DLL1: variants seen among roughly 807,000 people sequenced by gnomAD.
DLL1 encodes delta like canonical Notch ligand 1.
Under a neutral mutation model 75.1 loss-of-function variants are expected in DLL1, and 9 were observed. That is an observed-to-expected ratio of 0.12 (90% CI 0.07 to 0.21). The LOEUF (loss-of-function observed/expected upper bound fraction) is 0.21, where lower values mean the gene tolerates loss of function less well. Among genes scored for constraint, DLL1 ranks in the 10% least tolerant of loss-of-function variants. DLL1 has a pLI of 1.00. For synonymous variants in DLL1, 477 were observed against 418.3 expected, an observed-to-expected ratio of 1.14 and a Z score of -1.71; for missense variants, 837 against 1,007.6, an observed-to-expected ratio of 0.83 and a Z score of 2.29.
Position 170,290,687 on chromosome 6 carries a change from C to T in DLL1, c.-548G>A. The T allele has an allele frequency of 3.2e-6, 1 of 309,026 alleles. No individual in the cohort carries two copies. The allele number at this position is 309,026 out of a possible 1,614,324, so 19.1% of individuals were successfully genotyped here. On this transcript the variant is annotated 5_prime_UTR_variant, in exon 1 of 11. Transcript: ENST00000366756. The surrounding 1 kb of genome is among the most constrained non-coding windows in gnomAD (Gnocchi z 4.7). ...CGGCGGGTGTGCGCGGCGGCCCCTG[C>T]GGATCGCGGCCCGGTGTCACTCGGC... is the stretch of plus-strand genomic sequence containing the variant.
chr6:170,284,089 A>G (rs1001208540), intron 8 of DLL1, 60 bp from the exon 9 acceptor site: 3 of 1,530,510 alleles, frequency 2.0e-6, no homozygotes, highest in Non-Finnish European at 2.6e-6. Flanking sequence ...CCAAAAAGTC[A>G]CTCTGAAGCA....
rs1287368849 is a variant in DLL1, at chr6:170,286,282, T to G, written c.687A>C (p.Gly229=). 36 of 1,614,052 alleles carry G rather than the reference T, an allele frequency of 2.2e-5. No individual in the cohort carries two copies. Among genetic ancestry groups the G allele is most frequent in the Non-Finnish European group, 3.0e-5 (35 of 1,180,046 alleles). ...CACAAAATCCATGCTGCTCATCACA[T>G]CCAGGCAGGCAGATCGCTACAAGCA... ...PYCTEPICLP[G]CDEQHGFCDK... Residue 229 remains glycine, a synonymous_variant, in exon 5 of 11, where the codon GGA becomes GGC. Coordinates refer to ENST00000366756, the MANE Select transcript of DLL1 (RefSeq NM_005618.4).
In DLL1 at chr6:170,282,744, G is replaced by T; in HGVS notation, c.*130C>A. On this transcript the variant is annotated 3_prime_UTR_variant, in exon 11 of 11. Transcript: ENST00000366756. Reference sequence around the variant, plus strand: ...AGGACCTCAGGAGGAGAACCTGCTCGGTCTGAACTCGGTTTCTCAGCAGCA... The same window carrying T: ...AGGACCTCAGGAGGAGAACCTGCTCTGTCTGAACTCGGTTTCTCAGCAGCA... 5 of 1,499,818 alleles carry T rather than the reference G, an allele frequency of 3.3e-6. No individual in the cohort carries two copies. Among genetic ancestry groups the T allele is most frequent in the Non-Finnish European group, 3.7e-6 (4 of 1,078,466 alleles). The allele number at this position is 1,499,818 out of a possible 1,614,324, so 92.9% of individuals were successfully genotyped here. A position where few individuals can be genotyped will look rare whatever the true frequency, so the allele number is the denominator to read the frequency against.
rs528477668 is a variant in DLL1 at position 170,289,174 on chromosome 6, C to A, written c.351+338G>T. ...GCTGCGCGGGTAATCGCGCCACCAACGCGTCTAGGAGTCGGGAAACCAGAA... is the reference window on the plus strand; with the variant it reads ...GCTGCGCGGGTAATCGCGCCACCAAAGCGTCTAGGAGTCGGGAAACCAGAA... On this transcript the variant is annotated intron_variant, in intron 2 of 10. Coordinates refer to ENST00000366756, the MANE Select transcript of DLL1 (RefSeq NM_005618.4). The A allele has an allele frequency of 1.8e-4, 110 of 606,258 alleles. 2 individuals are homozygous for A. The African/African-American group carries it at 1.9e-3, about 10-fold the overall frequency. The allele number at this position is 606,258 out of a possible 1,614,324, so 37.6% of individuals were successfully genotyped here. A position where few individuals can be genotyped will look rare whatever the true frequency, so the allele number is the denominator to read the frequency against.
At position 170,286,277 on chromosome 6, in the gene DLL1, T is replaced by G. The variant is rs370512486; in HGVS notation, c.692A>C (p.Asp231Ala). 1 of 1,614,072 alleles carries G rather than the reference T, an allele frequency of 6.2e-7. No homozygotes were observed. The highest frequency in any genetic ancestry group is 1.3e-5 in the African/African-American group (1 of 74,918). ...CTEPICLPGC[D>A]EQHGFCDKPG... ...TTTGTCACAAAATCCATGCTGCTCA[T>G]CACATCCAGGCAGGCAGATCGCTAC... Residue 231 changes from aspartate (D) to alanine (A), a missense_variant, in exon 5 of 11, where the codon GAT becomes GCT. Transcript: ENST00000366756.
rs1783846842 is a variant in DLL1, at chr6:170,290,849, C to T, written c.-710G>A. On this transcript the variant is annotated 5_prime_UTR_variant, in exon 1 of 11. Coordinates refer to ENST00000366756, the MANE Select transcript of DLL1 (RefSeq NM_005618.4). This position sits in a 1 kb window ranked among gnomAD's most constrained non-coding sequence, Gnocchi z 4.7. ...GGAGGGGCCGGGCCGTGGGAGGAGGCTCTGCGCCGCGGCTGCCCGGGTTCC... is the reference window on the plus strand; with the variant it reads ...GGAGGGGCCGGGCCGTGGGAGGAGGTTCTGCGCCGCGGCTGCCCGGGTTCC... The T allele has an allele frequency of 4.6e-6, 3 of 651,056 alleles. No homozygotes were observed. The highest frequency in any genetic ancestry group is 1.8e-5 in the African/African-American group (1 of 56,038). The allele number at this position is 651,056 out of a possible 1,614,324, so 40.3% of individuals were successfully genotyped here. A position where few individuals can be genotyped will look rare whatever the true frequency, so the allele number is the denominator to read the frequency against.
At position 170,288,785 on chromosome 6, in the gene DLL1, G is replaced by C; in HGVS notation, c.356C>G (p.Thr119Ser). The change falls in exon 3 of 11, where the codon ACC becomes AGC. Residue 119 changes from threonine to serine, a missense_variant. This residue lies in a region of DLL1 where 304 missense variants were observed against 461.9 expected (regional missense o/e 0.66). Transcript: ENST00000366756. ...RFPFGFTWPG[T>S]FSLIIEALHT... is the part of the protein sequence containing the mutation. The stretch of plus-strand genomic sequence containing the variant: ...GAGAGCTTCAATAATCAGAGAGAAG[G>C]TGCCCTGGGAGAGAGGGGAGAAGAC... 1 of 1,614,118 alleles carries C rather than the reference G, an allele frequency of 6.2e-7. No individual in the cohort carries two copies. The highest frequency in any genetic ancestry group is 2.2e-5 in the East Asian group (1 of 44,874).
In DLL1 at chr6:170,289,983, C is replaced by A. The variant is rs561774137; in HGVS notation, c.54+103G>T. ...GATTCATCTTCCGGGCCGTGGCTGG[C>A]GCGGCCCGTGCCGCTGTCCGCCCCT... On this transcript the variant is annotated intron_variant, in intron 1 of 10. Coordinates refer to ENST00000366756, the MANE Select transcript of DLL1 (RefSeq NM_005618.4). 2,427 of 1,338,098 alleles carry A rather than the reference C, an allele frequency of 1.8e-3. 47 individuals carry two copies. In the African/African-American group the frequency reaches 0.035, roughly 19 times the overall value. The allele number at this position is 1,338,098 out of a possible 1,614,324, so 82.9% of individuals were successfully genotyped here. A position where few individuals can be genotyped will look rare whatever the true frequency, so the allele number is the denominator to read the frequency against.
intron 8 of DLL1, 133 bp from the exon 9 acceptor site, chr6:170,284,162 C>T: frequency 8.4e-7 from 1 of 1,190,996 alleles, no homozygotes; most frequent in Non-Finnish European, 1.2e-6. Flanking sequence ...TGAATGAGTC[C>T]ACAGCGCAAG....
intron 2 of DLL1, chr6:170,289,187 C>G (rs1285122071): frequency 1.6e-6 from 1 of 630,462 alleles, no homozygotes; most frequent in Non-Finnish European, 2.9e-6. Flanking sequence ...GTCTAGGAGT[C>G]GGGAAACCAG....
Position 170,283,864 on chromosome 6 carries a change from C to T in DLL1, c.1415G>A (p.Gly472Asp). The change falls in exon 9 of 11, where the codon GGC becomes GAC. Residue 472 changes from glycine (G) to aspartate (D), a missense_variant. By Grantham distance (94) the Gly-to-Asp change is moderately conservative. Coordinates refer to ENST00000366756, the MANE Select transcript of DLL1 (RefSeq NM_005618.4). ...GGCACTGCAGTTCCTGCCCGTGTAG[C>T]CAGGCGGGCAGGTGCAGGAGAAGTC... ...VNDFSCTCPP[G>D]YTGRNCSAPV... 1 of 1,605,858 alleles carries T rather than the reference C, an allele frequency of 6.2e-7. No homozygotes were observed. The highest frequency in any genetic ancestry group is 8.5e-7 in the Non-Finnish European group (1 of 1,178,918).
At position 170,283,611 on chromosome 6, in the gene DLL1, G is replaced by A. The variant is rs751215526; in HGVS notation, c.1668C>T (p.Leu556=). The change falls in exon 9 of 11, where the codon CTC becomes CTT. Residue 556 remains leucine, a synonymous_variant. Transcript: ENST00000366756. ...CAGCGGCACAGCCCAGCAGCAGCAT[G>A]AGGACAAGGATGACCCCGGCGCACA... The part of the protein sequence containing the change: ...VAVCAGVILV[L]MLLLGCAAVV... 8.7e-6 allele frequency: 14 copies of A among 1,611,280 alleles called. No individual in the cohort carries two copies. Among genetic ancestry groups the A allele is most frequent in the Non-Finnish European group, 1.1e-5 (13 of 1,178,998 alleles).
intron 4 of DLL1, among the ~76,000 whole-genome samples, chr6:170,287,907 T>C (rs1783739143): frequency 6.6e-6 from 1 of 152,150 alleles, no homozygotes; most frequent in Non-Finnish European, 1.5e-5. Flanking sequence ...CCTCCCTTCC[T>C]TCCTCCTCTC....
rs746032184 is a variant in DLL1, at chr6:170,288,381, G to A, written c.528C>T (p.Arg176=). 5 of 1,614,000 alleles carry A rather than the reference G, an allele frequency of 3.1e-6. No homozygotes were observed. The East Asian group carries it at 6.7e-5, about 22-fold the overall frequency. The part of the protein sequence containing the change: ...SGRTDLKYSY[R]FVCDEHYYGE... ...CGTAGTAGTGTTCGTCACACACGAA[G>A]CGGTAGGAGTACTTGAGGTCCGTGC... Residue 176 remains arginine (R), a synonymous_variant, in exon 4 of 11, where the codon CGC becomes CGT. Transcript: ENST00000366756.
At chr6:170,285,814 T>G (rs1351540514) in intron 5 of DLL1, 115 bp from the exon 6 acceptor site, 1 of 1,462,418 alleles carries the variant, frequency 6.8e-7, no homozygotes, top group African/African-American at 1.4e-5. Flanking sequence ...GTTCTCCAGA[T>G]TAGCAGAACA....
At position 170,283,984 on chromosome 6, in the gene DLL1, T is replaced by C. The variant is rs1242560939; in HGVS notation, c.1295A>G (p.Gln432Arg). 1 of 1,584,948 alleles carries C rather than the reference T, an allele frequency of 6.3e-7. No homozygotes were observed. The highest frequency in any genetic ancestry group is 1.1e-5 in the South Asian group (1 of 87,732). Residue 432 changes from glutamine (Q) to arginine (R), a missense_variant, in exon 9 of 11, where the codon CAG becomes CGG. Coordinates refer to ENST00000366756, the MANE Select transcript of DLL1 (RefSeq NM_005618.4). Reference sequence around the variant, plus strand: ...ACAGTGCCTCCCCGAGAAGCCGGCCTGGCAGCGGCACAGGTAGGCATCACC... The same window carrying C: ...ACAGTGCCTCCCCGAGAAGCCGGCCCGGCAGCGGCACAGGTAGGCATCACC... ...DLGDAYLCRCQAGFSGRHCDD... is the reference protein window; with the variant it reads ...DLGDAYLCRCRAGFSGRHCDD...
chr6:170,284,537 G>A (rs533237457), intron 8 of DLL1, among the ~76,000 whole-genome samples: 11 of 152,198 alleles, frequency 7.2e-5, no homozygotes, highest in Non-Finnish European at 1.5e-5. Flanking sequence ...GAGGCTCTCT[G>A]TCCTCACTCA....
intron 4 of DLL1, 92 bp from the exon 5 acceptor site, chr6:170,286,390 T>A: frequency 1.3e-6 from 2 of 1,495,766 alleles, no homozygotes; most frequent in Non-Finnish European, 9.3e-7. Flanking sequence ...CTCGCCGGCT[T>A]CAGTCAGCAA....
In DLL1 at chr6:170,283,045, C is replaced by T; in HGVS notation, c.2109G>A (p.Lys703=). 1.9e-6 allele frequency: 3 copies of T among 1,614,150 alleles called. No individual in the cohort carries two copies. Among genetic ancestry groups the T allele is most frequent in the South Asian group, 1.1e-5 (1 of 91,092 alleles). The change falls in exon 10 of 11, where the codon AAG becomes AAA. Residue 703 remains lysine, a synonymous_variant. Transcript: ENST00000366756. The part of the protein sequence containing the change: ...DSGCSTSKDT[K]YQSVYVISEE... ...CGGATATGACGTACACCGACTGGTA[C>T]TTGGTGTCTTTTGAAGTTGAACAGC...
Sources: allele counts gnomAD v4.1 joint callset (sites outside exome capture counted in the v4.1 genomes callset), GRCh38; gene constraint gnomAD v4.1.1; regional missense constraint gnomAD v4.1.1; non-coding constraint Gnocchi (gnomAD v3.1); transcripts MANE v1.5; gene names NCBI Gene and HGNC (gene_info 2026-07-23, HGNC 2026-07-21).